Variants in GABRB2 observed in about 807,000 individuals in gnomAD.
GABRB2 encodes gamma-aminobutyric acid receptor subunit beta-2.
A neutral mutation model predicts 54.7 loss-of-function variants in GABRB2; 16 were observed. The ratio of observed to expected loss-of-function variants is 0.29; its 90% CI spans 0.20 to 0.44. The LOEUF (loss-of-function observed/expected upper bound fraction) is 0.44, where lower values mean the gene tolerates loss of function less well. GABRB2 is among the 20% of genes least tolerant of loss of function. The pLI is 1.00. For synonymous variants in GABRB2, 244 were observed against 233.8 expected, an observed-to-expected ratio of 1.04 and a Z score of -0.40; for missense variants, 355 against 644.0, an observed-to-expected ratio of 0.55 and a Z score of 4.86.
At chr5:161,361,460 G>T (rs1247781603) in intron 5 of GABRB2, among the ~76,000 whole-genome samples, 1 of 151,846 alleles carries the variant, frequency 6.6e-6, no homozygotes, top group East Asian at 1.9e-4. Context: ...ATCACGTTGG[G>T]GTATAATAAG....
At chr5:161,534,556 C>T (rs977139711) in intron 3 of GABRB2, among the ~76,000 whole-genome samples, 2 of 152,224 alleles carry the variant, frequency 1.3e-5, no homozygotes, top group African/African-American at 2.4e-5. Flanking sequence ...TTTTCACTTG[C>T]AGGGTAAATG....
intron 3 of GABRB2, among the ~76,000 whole-genome samples, chr5:161,515,605 T>G (rs939258227): frequency 6.6e-6 from 1 of 152,176 alleles, no homozygotes. Context: ...TTAATTACCA[T>G]GCAAACGTAT....
intron 8 of GABRB2, among the ~76,000 whole-genome samples, chr5:161,328,867 G>C (rs930031910): frequency 1.3e-5 from 2 of 151,588 alleles, no homozygotes; most frequent in African/African-American, 4.8e-5. Context: ...ATGTCCTCTG[G>C]GAGAAGAAAA....
chr5:161,409,664 G>T (rs1756450868), intron 5 of GABRB2, among the ~76,000 whole-genome samples: 1 of 152,060 alleles, frequency 6.6e-6, no homozygotes, highest in Non-Finnish European at 1.5e-5. Flanking sequence ...TTCATGAGTG[G>T]TACATAGCAA....
At chr5:161,375,605 G>A (rs1049665680) in intron 5 of GABRB2, among the ~76,000 whole-genome samples, 3 of 152,106 alleles carry the variant, frequency 2.0e-5, no homozygotes, top group Admixed American at 2.0e-4. Context: ...GAGTAAGAAC[G>A]AGGCTTTTGG....
chr5:161,426,188 C>T (rs1350512621), intron 4 of GABRB2, among the ~76,000 whole-genome samples: 4 of 152,086 alleles, frequency 2.6e-5, no homozygotes, highest in African/African-American at 7.2e-5. Context: ...TTGATTTTAC[C>T]TCTTGCTATG....
chr5:161,293,598 A>G lies in GABRB2; in HGVS notation c.*483T>C, dbSNP rs1375383763. On this transcript the variant is annotated 3_prime_UTR_variant, in exon 10 of 10. Coordinates refer to ENST00000393959, the MANE Select transcript of GABRB2 (RefSeq NM_001371727.1). ...GTGGGAATAATCTTCCCATGACACC[A>G]TTATCATCTCAGTAAGAAAATCATA... The G allele has an allele frequency of 6.4e-6, 1 of 156,374 alleles. No homozygotes were observed. Among genetic ancestry groups the G allele is most frequent in the African/African-American group, 2.4e-5 (1 of 41,462 alleles). The allele number at this position is 156,374 out of a possible 1,614,324, so 9.7% of individuals were successfully genotyped here.
intron 5 of GABRB2, among the ~76,000 whole-genome samples, chr5:161,345,340 A>G (rs559622733): frequency 2.8e-4 from 42 of 152,254 alleles, no homozygotes; most frequent in Non-Finnish European, 5.0e-4. Flanking sequence ...ACAAAAACAT[A>G]GAAAACTCCT....
intron 4 of GABRB2, among the ~76,000 whole-genome samples, chr5:161,414,197 C>T (rs17521569): frequency 0.13 from 19,819 of 152,064 alleles, 1,783 homozygotes; most frequent in Non-Finnish European, 0.2. Flanking sequence ...CCAAAATAGT[C>T]CACTTGGAGT....
intron 9 of GABRB2, among the ~76,000 whole-genome samples, chr5:161,311,038 G>A (rs558044549): frequency 1.3e-5 from 2 of 152,264 alleles, no homozygotes; most frequent in South Asian, 4.1e-4. Context: ...GGGATTACAG[G>A]TATGAGCCAC....
intron 5 of GABRB2, among the ~76,000 whole-genome samples, chr5:161,338,468 C>CT (rs1754057188): frequency 6.6e-6 from 1 of 152,008 alleles, no homozygotes; most frequent in African/African-American, 2.4e-5. Flanking sequence ...GCTATAAATT[C>CT]TTTTTTTACA....
intron 3 of GABRB2, among the ~76,000 whole-genome samples, chr5:161,497,207 T>C (rs754319121): frequency 1.1e-4 from 16 of 152,110 alleles, no homozygotes; most frequent in Non-Finnish European, 1.9e-4. Flanking sequence ...CCCAACATGA[T>C]TGCATAACTT....
chr5:161,470,309 A>G (rs1430540563), intron 3 of GABRB2, among the ~76,000 whole-genome samples: 1 of 151,930 alleles, frequency 6.6e-6, no homozygotes, highest in African/African-American at 2.4e-5. Flanking sequence ...TCCATGAGGG[A>G]CACGTATCAA....
At chr5:161,512,293 C>T (rs949995803) in intron 3 of GABRB2, among the ~76,000 whole-genome samples, 4 of 151,822 alleles carry the variant, frequency 2.6e-5, no homozygotes, top group Non-Finnish European at 4.4e-5. Flanking sequence ...CAATACTAAG[C>T]AAAAAGAACA....
chr5:161,447,189 T>C (rs962367695), intron 4 of GABRB2, among the ~76,000 whole-genome samples: 1 of 152,152 alleles, frequency 6.6e-6, no homozygotes, highest in African/African-American at 2.4e-5. Flanking sequence ...ATGAGGAAAC[T>C]GAAGCTTAGA....
intron 5 of GABRB2, among the ~76,000 whole-genome samples, chr5:161,371,533 T>C (rs975785088): frequency 2.6e-5 from 4 of 152,196 alleles, no homozygotes; most frequent in Non-Finnish European, 5.9e-5. Flanking sequence ...AATCAGCCTA[T>C]GCAACAGAGC....
At chr5:161,436,835 G>A (rs1194498243) in intron 4 of GABRB2, among the ~76,000 whole-genome samples, 1 of 152,104 alleles carries the variant, frequency 6.6e-6, no homozygotes, top group Non-Finnish European at 1.5e-5. Context: ...CTGGGGAAGG[G>A]AGAACACAGC....
At chr5:161,351,314 G>A (rs1754463086) in intron 5 of GABRB2, among the ~76,000 whole-genome samples, 1 of 152,074 alleles carries the variant, frequency 6.6e-6, no homozygotes, top group African/African-American at 2.4e-5. Flanking sequence ...CAAAGCTATA[G>A]TAATCAAAAT....
intron 3 of GABRB2, among the ~76,000 whole-genome samples, chr5:161,519,433 T>G (rs1760048324): frequency 6.6e-6 from 1 of 152,176 alleles, no homozygotes; most frequent in African/African-American, 2.4e-5. Context: ...GAAGCTCTCC[T>G]CTAGGTGCCT....
Sources: gnomAD v4.1 joint callset for allele counts (sites outside exome capture counted in the v4.1 genomes callset) on GRCh38, gnomAD v4.1.1 for gene constraint, MANE v1.5 for transcripts, NCBI Gene and HGNC (gene_info 2026-07-23, HGNC 2026-07-21) for gene names.